Variants in SUMF1 observed in about 807,000 individuals in gnomAD.
SUMF1 encodes the protein formylglycine-generating enzyme.
SUMF1 carries 48 observed loss-of-function variants against 47.6 expected under a neutral mutation model. That is an observed-to-expected ratio of 1.01 (90% CI 0.80 to 1.28). SUMF1 has a LOEUF of 1.28. SUMF1 is among the 50% of genes most tolerant of loss of function. The probability of loss-of-function intolerance (pLI) is 0.00; values close to 1 mark genes in which losing one functional copy is unlikely to be tolerated. For missense variants in SUMF1, 571 were observed against 485.4 expected (o/e 1.18, Z -1.66); for synonymous variants, 230 against 192.1 (o/e 1.20, Z -1.63).
chr3:4,337,643 G>A (rs1285879300), intron 8 of SUMF1, among the ~76,000 whole-genome samples: 2 of 151,984 alleles, frequency 1.3e-5, no homozygotes. Context: ...TTCCTAACTT[G>A]CCACTACATC....
intron 8 of SUMF1, among the ~76,000 whole-genome samples, chr3:4,338,654 A>G (rs1161162908): frequency 6.6e-6 from 1 of 152,188 alleles, no homozygotes; most frequent in Non-Finnish European, 1.5e-5. Flanking sequence ...TCATGGTCTC[A>G]TAAGGGAAAA....
intron 3 of SUMF1, 97 bp from the exon 4 acceptor site, chr3:4,420,243 C>G (rs1701848090): frequency 1.1e-6 from 1 of 885,824 alleles, no homozygotes; most frequent in Admixed American, 1.9e-5. Context: ...ATGTCTTCAA[C>G]TTCCATTTGG....
At chr3:4,436,023 G>A (rs144301306) in intron 3 of SUMF1, among the ~76,000 whole-genome samples, 4 of 152,294 alleles carry the variant, frequency 2.6e-5, no homozygotes, top group African/African-American at 9.6e-5. Context: ...GATGCACATC[G>A]ATAATCCCAG....
intron 3 of SUMF1, among the ~76,000 whole-genome samples, chr3:4,432,224 CA>C (rs1447896759): frequency 1.3e-5 from 2 of 151,328 alleles, no homozygotes; most frequent in Non-Finnish European, 2.9e-5. Flanking sequence ...ACCATCTCCC[CA>C]AAACCCAGGA....
intron 8 of SUMF1, among the ~76,000 whole-genome samples, chr3:4,199,558 C>G (rs999602728): frequency 6.6e-6 from 1 of 152,034 alleles, no homozygotes; most frequent in African/African-American, 2.4e-5. Flanking sequence ...GGTAATTTTT[C>G]AAAGTGGCTA....
chr3:4,445,650 A>G (rs1224817487), intron 3 of SUMF1, among the ~76,000 whole-genome samples: 3 of 152,178 alleles, frequency 2.0e-5, no homozygotes, highest in Non-Finnish European at 4.4e-5. Context: ...TGGCCATAAA[A>G]TATATTTAAA....
At chr3:4,117,941 A>C (rs1179624010) in intron 8 of SUMF1, among the ~76,000 whole-genome samples, 1 of 152,022 alleles carries the variant, frequency 6.6e-6, no homozygotes, top group Non-Finnish European at 1.5e-5. Context: ...TCCCACCAAG[A>C]GCCTGTGACT....
intron 8 of SUMF1, among the ~76,000 whole-genome samples, chr3:4,258,428 C>G (rs1263808686): frequency 1.5e-5 from 2 of 135,758 alleles, no homozygotes; most frequent in African/African-American, 5.9e-5. Flanking sequence ...AAAAAACAAA[C>G]AACCCCATCA....
intron 8 of SUMF1, among the ~76,000 whole-genome samples, chr3:4,205,051 C>T (rs1030395264): frequency 1.3e-5 from 2 of 152,008 alleles, no homozygotes; most frequent in Non-Finnish European, 2.9e-5. Flanking sequence ...CCACCATATC[C>T]CCAGTGACCT....
chr3:4,178,671 G>C (rs181366250), intron 8 of SUMF1, among the ~76,000 whole-genome samples: 243 of 152,290 alleles, frequency 1.6e-3, no homozygotes, highest in African/African-American at 5.6e-3. Flanking sequence ...ATTCAACATA[G>C]TGTTGGAAGT....
intron 3 of SUMF1, among the ~76,000 whole-genome samples, chr3:4,438,775 G>A (rs979579184): frequency 6.6e-6 from 1 of 152,062 alleles, no homozygotes; most frequent in African/African-American, 2.4e-5. Context: ...TAAGGATATA[G>A]AAAATTTGCA....
At position 4,391,470 on chromosome 3, in the gene SUMF1, T is replaced by C. The variant is rs183879555; in HGVS notation, c.955-15081A>G. 1.3e-3 allele frequency among the ~76,000 whole-genome samples: 192 copies of C among 152,294 alleles called. 1 individual carries two copies. The highest frequency in any genetic ancestry group is 4.4e-3 in the African/African-American group (183 of 41,568). On this transcript the variant is annotated intron_variant, in intron 7 of 8. Transcript: ENST00000272902. Reference sequence around the variant, plus strand: ...TGTCTTGATTTTTCTCTGAAATTTTTTCTGCTTTTTAAATTTTTATGTATT... The same window carrying C: ...TGTCTTGATTTTTCTCTGAAATTTTCTCTGCTTTTTAAATTTTTATGTATT...
intron 8 of SUMF1, among the ~76,000 whole-genome samples, chr3:4,258,304 C>T (rs1697003917): frequency 6.8e-6 from 1 of 147,488 alleles, no homozygotes; most frequent in African/African-American, 2.6e-5. Context: ...GCAAAAGAAA[C>T]TACCATCAGA....
intron 8 of SUMF1, among the ~76,000 whole-genome samples, chr3:4,197,417 G>C (rs1430627262): frequency 6.6e-6 from 1 of 152,090 alleles, no homozygotes; most frequent in Non-Finnish European, 1.5e-5. Flanking sequence ...TGGTTTCACG[G>C]AAAGATTAAA....
intron 8 of SUMF1, among the ~76,000 whole-genome samples, chr3:4,232,199 C>A (rs1696314829): frequency 6.6e-6 from 1 of 151,884 alleles, no homozygotes; most frequent in Admixed American, 6.6e-5. Flanking sequence ...AGTGTCAGAC[C>A]CAATAGGAGC....
chr3:4,463,273 C>T (rs1057157581), intron 1 of SUMF1, among the ~76,000 whole-genome samples: 4 of 152,114 alleles, frequency 2.6e-5, no homozygotes, highest in African/African-American at 7.2e-5. Context: ...AGGTGGATCA[C>T]GAAGTCAAAA....
chr3:4,141,005 G>A (rs1013851737), intron 8 of SUMF1, among the ~76,000 whole-genome samples: 2 of 152,112 alleles, frequency 1.3e-5, no homozygotes, highest in African/African-American at 4.8e-5. Flanking sequence ...GCAAGTAAGA[G>A]ACTGTTTAAT....
intron 9 of SUMF1, among the ~76,000 whole-genome samples, chr3:4,064,606 T>A (rs1476080108): frequency 6.6e-6 from 1 of 152,110 alleles, no homozygotes; most frequent in African/African-American, 2.4e-5. Context: ...TCACCCCAAA[T>A]ACTTTCTTGC....
chr3:4,255,043 C>G (rs1427055255), intron 8 of SUMF1, among the ~76,000 whole-genome samples: 1 of 150,278 alleles, frequency 6.7e-6, no homozygotes, highest in Non-Finnish European at 1.5e-5. Context: ...GAAATAAAAT[C>G]CTTTACAGAC....
Sources: gnomAD v4.1 joint callset for allele counts (sites outside exome capture counted in the v4.1 genomes callset) on GRCh38, gnomAD v4.1.1 for gene constraint, MANE v1.5 for transcripts, NCBI Gene and HGNC (gene_info 2026-07-23, HGNC 2026-07-21) for gene names.